DNAJC3: variants seen among roughly 807,000 people sequenced by gnomAD.
DNAJC3 encodes dnaJ homolog subfamily C member 3.
In DNAJC3, 38 loss-of-function variants were observed where a neutral mutation model predicts 68.6. The observed-to-expected ratio is 0.55, with a 90% CI of 0.43 to 0.73. The LOEUF is 0.73. Among genes scored for constraint, DNAJC3 ranks in the 30% least tolerant of loss-of-function variants. The pLI, the probability that DNAJC3 is intolerant of heterozygous loss-of-function variation, is 0.00. For synonymous variants in DNAJC3, 203 were observed against 204.0 expected (o/e 1.00, Z 0.04); for missense variants, 526 against 591.9 (o/e 0.89, Z 1.16).
intron 4 of DNAJC3, among the ~76,000 whole-genome samples, chr13:95,742,123 G>A (rs1367807366): frequency 2.0e-5 from 3 of 152,204 alleles, no homozygotes; most frequent in Non-Finnish European, 4.4e-5. Context: ...GTCCCTAGGT[G>A]GCGGCTGCTG....
At chr13:95,698,177 A>T (rs1593959660) in intron 1 of DNAJC3, among the ~76,000 whole-genome samples, 2 of 151,326 alleles carry the variant, frequency 1.3e-5, no homozygotes, top group African/African-American at 2.4e-5. Flanking sequence ...CTTTGCTTTT[A>T]TAGCCTTGTG....
intron 9 of DNAJC3, 55 bp downstream of exon 9, chr13:95,764,008 A>G: frequency 6.3e-7 from 1 of 1,583,256 alleles, no homozygotes. Flanking sequence ...GGAAATTATC[A>G]CATTTTAAGC....
chr13:95,772,692 C>G (rs1459259274), intron 9 of DNAJC3, among the ~76,000 whole-genome samples: 1 of 152,170 alleles, frequency 6.6e-6, no homozygotes, highest in Non-Finnish European at 1.5e-5. Flanking sequence ...TCTGCACATG[C>G]TTACCCACTT....
chr13:95,714,139 T>C (rs140468560), intron 2 of DNAJC3, among the ~76,000 whole-genome samples: 1,964 of 152,306 alleles, frequency 0.013, 51 homozygotes, highest in African/African-American at 0.045. Flanking sequence ...TCCTGTGACA[T>C]TGGTCCAGTT....
intron 1 of DNAJC3, among the ~76,000 whole-genome samples, chr13:95,699,768 G>A (rs1880537320): frequency 2.0e-5 from 3 of 152,306 alleles, no homozygotes; most frequent in South Asian, 4.1e-4. Context: ...CCAGCACATA[G>A]TAGATTGTTA....
chr13:95,703,976 T>G (rs985967419), intron 1 of DNAJC3, among the ~76,000 whole-genome samples: 3 of 152,234 alleles, frequency 2.0e-5, no homozygotes, highest in Non-Finnish European at 4.4e-5. Flanking sequence ...TAGGCAATCT[T>G]CTGGGTTCCA....
intron 2 of DNAJC3, 99 bp downstream of exon 2, chr13:95,709,436 G>A: frequency 1.2e-6 from 1 of 828,714 alleles, no homozygotes; most frequent in Non-Finnish European, 1.8e-6. Context: ...ATTATTTCAT[G>A]TTTAAATAAA....
At chr13:95,755,088 C>T (rs1285556097) in intron 4 of DNAJC3, among the ~76,000 whole-genome samples, 2 of 152,114 alleles carry the variant, frequency 1.3e-5, no homozygotes, top group South Asian at 2.1e-4. Context: ...CCATTCTCTA[C>T]ATGCAGGTGT....
intron 4 of DNAJC3, among the ~76,000 whole-genome samples, chr13:95,725,813 A>T (rs1470535254): frequency 1.5e-5 from 2 of 130,548 alleles, no homozygotes; most frequent in Non-Finnish European, 3.3e-5. Context: ...TCCTAATGCT[A>T]TCCCTCCCCC....
intron 2 of DNAJC3, among the ~76,000 whole-genome samples, chr13:95,718,601 A>C (rs1369134719): frequency 6.6e-6 from 1 of 152,180 alleles, no homozygotes; most frequent in African/African-American, 2.4e-5. Context: ...GTGTTTCACC[A>C]TGTTGGCCAG....
At chr13:95,776,188 T>C (rs762811346) in intron 9 of DNAJC3, among the ~76,000 whole-genome samples, 22 of 152,140 alleles carry the variant, frequency 1.4e-4, no homozygotes, top group Non-Finnish European at 2.8e-4. Flanking sequence ...TTGCTTAAAG[T>C]GCATCCTCAA....
chr13:95,750,315 G>A (rs1882436609), intron 4 of DNAJC3, among the ~76,000 whole-genome samples: 2 of 149,398 alleles, frequency 1.3e-5, no homozygotes, highest in African/African-American at 2.5e-5. Context: ...GTTTACTCCT[G>A]TATAGAAGGG....
At chr13:95,778,244 A>T (rs940769311) in intron 9 of DNAJC3, among the ~76,000 whole-genome samples, 84 of 152,358 alleles carry the variant, frequency 5.5e-4, no homozygotes, top group African/African-American at 2.0e-3. Context: ...TGGAGACATT[A>T]CACTTAATAA....
chr13:95,698,111 T>C (rs1048007731), intron 1 of DNAJC3, among the ~76,000 whole-genome samples: 4 of 149,662 alleles, frequency 2.7e-5, no homozygotes, highest in Non-Finnish European at 4.4e-5. Context: ...CTTTTTTTTT[T>C]CTCTCCCCCA....
chr13:95,719,597 TCCAGAGATCCCACGGGTTG>T (rs1881255654), intron 2 of DNAJC3, among the ~76,000 whole-genome samples: 1 of 152,062 alleles, frequency 6.6e-6, no homozygotes, highest in African/African-American at 2.4e-5. Flanking sequence ...AAGTAATCAC[TCCAGAGATCCCACGGGTTG>T]TAGGAGCTAT....
chr13:95,696,748 T>C lies in DNAJC3; in HGVS notation c.83-12479T>C, dbSNP rs138794503. ...TTGTAGGCTGCAGATGGTTGTGTCT[T>C]GTGTTTTTTTTTTTTGAGACGGAGT... On this transcript the variant is annotated intron_variant, in intron 1 of 11. Transcript: ENST00000602402. Among the ~76,000 whole-genome samples, 1,500 of 151,930 alleles carry C rather than the reference T, an allele frequency of 9.9e-3. 33 individuals carry two copies. Among genetic ancestry groups the C allele is most frequent in the African/African-American group, 0.035 (1,439 of 41,366 alleles).
chr13:95,721,505 C>T (rs1881321207), intron 2 of DNAJC3, among the ~76,000 whole-genome samples: 2 of 152,190 alleles, frequency 1.3e-5, no homozygotes, highest in Admixed American at 1.3e-4. Context: ...TTCCACAGTG[C>T]CATACCATCT....
At chr13:95,684,677 A>G (rs868833799) in intron 1 of DNAJC3, among the ~76,000 whole-genome samples, 1 of 152,222 alleles carries the variant, frequency 6.6e-6, no homozygotes, top group Non-Finnish European at 1.5e-5. Flanking sequence ...TCCTTCTATC[A>G]TAGGCCCAGA....
chr13:95,723,509 G>A (rs1881411444), intron 3 of DNAJC3, 143 bp downstream of exon 3: 3 of 870,984 alleles, frequency 3.4e-6, no homozygotes, highest in Non-Finnish European at 4.9e-6. Context: ...AGGAACAAGA[G>A]AAATTCAAAG....
Sources: gnomAD v4.1 joint callset for allele counts (sites outside exome capture counted in the v4.1 genomes callset) on GRCh38, gnomAD v4.1.1 for gene constraint, MANE v1.5 for transcripts, NCBI Gene and HGNC (gene_info 2026-07-23, HGNC 2026-07-21) for gene names.